UBE3C: variants seen among roughly 807,000 people sequenced by gnomAD.
UBE3C encodes ubiquitin-protein ligase E3C.
Under a neutral mutation model 129.4 loss-of-function variants are expected in UBE3C, and 42 were observed. The observed-to-expected ratio is 0.32, with a 90% CI of 0.25 to 0.42. UBE3C has a LOEUF of 0.42. Ranked by LOEUF, UBE3C falls within the 10% of genes least tolerant of loss-of-function variation. UBE3C has a pLI of 1.00. For synonymous variants in UBE3C, 510 were observed against 492.4 expected, an observed-to-expected ratio of 1.04 and a Z score of -0.47; for missense variants, 1,049 against 1,319.1, an observed-to-expected ratio of 0.80 and a Z score of 3.17.
chr7:157,232,427 C>A (rs1419902264), intron 18 of UBE3C, among the ~76,000 whole-genome samples: 1 of 152,172 alleles, frequency 6.6e-6, no homozygotes, highest in Non-Finnish European at 1.5e-5. Context: ...GGCGCCATCT[C>A]TGCTCACTGC....
chr7:157,143,864 G>A (rs1426666874), intron 1 of UBE3C, among the ~76,000 whole-genome samples: 1 of 152,174 alleles, frequency 6.6e-6, no homozygotes, highest in Non-Finnish European at 1.5e-5. Context: ...TTTGGGACAG[G>A]GTGGGACTCG....
chr7:157,160,701 A>C (rs1808046166), intron 1 of UBE3C, among the ~76,000 whole-genome samples: 1 of 152,154 alleles, frequency 6.6e-6, no homozygotes, highest in Non-Finnish European at 1.5e-5. Context: ...AGATACTTTG[A>C]GACTAGGCAA....
intron 5 of UBE3C, among the ~76,000 whole-genome samples, chr7:157,175,689 A>G (rs935392284): frequency 6.6e-6 from 1 of 152,154 alleles, no homozygotes; most frequent in African/African-American, 2.4e-5. Context: ...ACTAGTCTTT[A>G]TTAACTGATT....
intron 18 of UBE3C, among the ~76,000 whole-genome samples, chr7:157,246,294 G>A (rs1452944581): frequency 6.6e-6 from 1 of 152,172 alleles, no homozygotes; most frequent in Non-Finnish European, 1.5e-5. Flanking sequence ...CTAAGCAAAG[G>A]ACTCACTCCC....
In UBE3C at chr7:157,267,714, C is replaced by A; in HGVS notation, c.3211C>A (p.Leu1071Ile). Residue 1071 changes from leucine (L) to isoleucine (I), a missense_variant, in exon 23 of 23, where the codon CTC becomes ATC. Physicochemically the swap from Leu to Ile is conservative, Grantham distance 5. Coordinates refer to ENST00000348165, the MANE Select transcript of UBE3C (RefSeq NM_014671.3). Reference sequence around the variant, plus strand: ...CGAGACACTTTTGCGAAGTAAACTTCTCTATGCGATTGAATGTGCCGCTGG... The same window carrying A: ...CGAGACACTTTTGCGAAGTAAACTTATCTATGCGATTGAATGTGCCGCTGG... ...YDETLLRSKL[L>I]YAIECAAGFE... 6.2e-7 allele frequency: 1 copy of A among 1,613,030 alleles called. No individual in the cohort carries two copies. The highest frequency in any genetic ancestry group is 8.5e-7 in the Non-Finnish European group (1 of 1,179,556).
At chr7:157,144,189 C>T (rs1012499883) in intron 1 of UBE3C, among the ~76,000 whole-genome samples, 5 of 152,186 alleles carry the variant, frequency 3.3e-5, no homozygotes, top group African/African-American at 4.8e-5. Flanking sequence ...TCTGCCACAC[C>T]GAAGACTGAG....
At chr7:157,149,191 G>A (rs1807689451) in intron 1 of UBE3C, among the ~76,000 whole-genome samples, 2 of 152,050 alleles carry the variant, frequency 1.3e-5, no homozygotes, top group African/African-American at 4.8e-5. Context: ...GGAGTAGCTG[G>A]GATTACAGGT....
chr7:157,202,378 C>T (rs189438368), intron 11 of UBE3C, among the ~76,000 whole-genome samples: 493 of 152,238 alleles, frequency 3.2e-3, no homozygotes, highest in African/African-American at 0.011. Context: ...CTAAGCCGGC[C>T]GGGCGCGGTG....
intron 22 of UBE3C, among the ~76,000 whole-genome samples, chr7:157,257,533 G>A (rs997245194): frequency 4.0e-5 from 6 of 151,732 alleles, no homozygotes; most frequent in Non-Finnish European, 8.8e-5. Flanking sequence ...TCAGGAGTTC[G>A]AGACCAGCCT....
intron 5 of UBE3C, among the ~76,000 whole-genome samples, chr7:157,177,273 G>A (rs1418245459): frequency 2.0e-5 from 3 of 152,146 alleles, no homozygotes; most frequent in African/African-American, 4.8e-5. Context: ...TTTCTCAGGA[G>A]CATACTGGTC....
In UBE3C at chr7:157,152,180, G is replaced by T. The variant is rs185583968; in HGVS notation, c.67-11630G>T. Among the ~76,000 whole-genome samples the T allele has an allele frequency of 7.8e-4, 117 of 150,124 alleles. 1 individual carries two copies. In the East Asian group the frequency reaches 9.7e-3, roughly 12 times the overall value. On this transcript the variant is annotated intron_variant, in intron 1 of 22. Transcript: ENST00000348165. The stretch of plus-strand genomic sequence containing the variant: ...GGGTGTAGGGAAAGTGGAAGAGAAG[G>T]CTGGGAGGAAGGTAGTCAGGGACAG...
intron 10 of UBE3C, among the ~76,000 whole-genome samples, chr7:157,200,371 C>A (rs1809246842): frequency 1.3e-5 from 2 of 152,056 alleles, no homozygotes; most frequent in African/African-American, 4.8e-5. Flanking sequence ...TCAGAAAGTG[C>A]CAATATGGAA....
intron 14 of UBE3C, among the ~76,000 whole-genome samples, chr7:157,217,920 G>A (rs1304398331): frequency 6.6e-6 from 1 of 152,150 alleles, no homozygotes; most frequent in African/African-American, 2.4e-5. Flanking sequence ...CTACTCAGGA[G>A]GCTAAGGTAT....
At chr7:157,199,577 TCTC>T (rs1205356805) in intron 10 of UBE3C, among the ~76,000 whole-genome samples, 1 of 152,050 alleles carries the variant, frequency 6.6e-6, no homozygotes, top group African/African-American at 2.4e-5. Context: ...TTCAGGCAAT[TCTC>T]CTGCCTCAGC....
At chr7:157,177,512 T>C (rs10224221) in intron 5 of UBE3C, among the ~76,000 whole-genome samples, 15,478 of 152,254 alleles carry the variant, frequency 0.1, 899 homozygotes, top group African/African-American at 0.14. Context: ...CTGCTGACTT[T>C]TCCAGGTTGA....
intron 10 of UBE3C, among the ~76,000 whole-genome samples, chr7:157,200,219 A>G (rs934830316): frequency 6.6e-6 from 1 of 152,194 alleles, no homozygotes; most frequent in Admixed American, 6.5e-5. Flanking sequence ...GAAATTTCAC[A>G]TGCTCTTTCA....
Position 157,225,674 on chromosome 7 carries a change from C to T in UBE3C, c.2233+135C>T, listed in dbSNP as rs2116624753. 13 of 1,013,332 alleles carry T rather than the reference C, an allele frequency of 1.3e-5. 1 individual carries two copies. The South Asian group carries it at 2.6e-4, about 20-fold the overall frequency. 62.8% of individuals were successfully genotyped at this position (1,013,332 alleles called of 1,614,324 possible). A position where few individuals can be genotyped will look rare whatever the true frequency, so the allele number is the denominator to read the frequency against. ...TTAAAAACTGAAATGTGAGGCTGGG[C>T]ATGGCAGCTCACACCTATAATCCCA... On this transcript the variant is annotated intron_variant, in intron 17 of 22. Transcript: ENST00000348165.
intron 1 of UBE3C, among the ~76,000 whole-genome samples, chr7:157,162,183 C>A (rs1808088674): frequency 6.6e-6 from 1 of 152,044 alleles, no homozygotes; most frequent in African/African-American, 2.4e-5. Flanking sequence ...AAGTATATCT[C>A]TTAAGATATT....
At chr7:157,240,980 C>G (rs756023561) in intron 18 of UBE3C, among the ~76,000 whole-genome samples, 20 of 152,102 alleles carry the variant, frequency 1.3e-4, no homozygotes, top group Non-Finnish European at 2.6e-4. Flanking sequence ...AGTGACTGAA[C>G]CCGGGAGAGG....
Sources: allele counts gnomAD v4.1 joint callset (sites outside exome capture counted in the v4.1 genomes callset), GRCh38; gene constraint gnomAD v4.1.1; transcripts MANE v1.5; gene names NCBI Gene and HGNC (gene_info 2026-07-23, HGNC 2026-07-21).